The following SLC24A2 variants were observed in gnomAD, a reference collection of about 807,000 sequenced individuals.
SLC24A2 encodes the protein solute carrier family 24 member 2.
In SLC24A2, 36 loss-of-function variants were observed where a neutral mutation model predicts 62.0. That is an observed-to-expected ratio of 0.58 (90% confidence interval 0.44 to 0.77). The LOEUF (loss-of-function observed/expected upper bound fraction) is 0.77. Ranked by LOEUF, SLC24A2 falls within the 30% of genes least tolerant of loss-of-function variation. SLC24A2 has a pLI of 0.00. For synonymous variants in SLC24A2, 358 were observed against 294.0 expected (o/e 1.22, Z -2.23); for missense variants, 846 against 817.9 (o/e 1.03, Z -0.42).
Position 19,786,476 on chromosome 9 carries a change from T to C in SLC24A2, c.391A>G (p.Arg131Gly). Residue 131 changes from arginine to glycine, a missense_variant, in exon 2 of 11, where the codon AGA becomes GGA. Transcript: ENST00000341998. The surrounding 1 kb of genome is among the most constrained non-coding windows in gnomAD (Gnocchi z 5.0). ...PKDIFSLEERRKGAIILHVIG... is the reference protein window; with the variant it reads ...PKDIFSLEERGKGAIILHVIG... ...ACATGCAGAATGATCGCACCTTTTCTTCTCTCCTCAAGGGAAAAGATGTCT... is the reference window on the plus strand; with the variant it reads ...ACATGCAGAATGATCGCACCTTTTCCTCTCTCCTCAAGGGAAAAGATGTCT... 6.2e-7 allele frequency: 1 copy of C among 1,614,188 alleles called. No individual in the cohort carries two copies. Among genetic ancestry groups the C allele is most frequent in the Non-Finnish European group, 8.5e-7 (1 of 1,180,034 alleles).
At chr9:19,782,789 A>T (rs1823053780) in intron 2 of SLC24A2, among the ~76,000 whole-genome samples, 1 of 152,178 alleles carries the variant, frequency 6.6e-6, no homozygotes. Flanking sequence ...TAATTTTACC[A>T]ATCTTATGAA....
chr9:20,277,573 A>C, the SLC24A2 span, among the ~76,000 whole-genome samples: 2 of 152,120 alleles, frequency 1.3e-5, no homozygotes, highest in Non-Finnish European at 2.9e-5. Context: ...CAATCATTAA[A>C]AAGTCAGGAA....
At chr9:19,793,472 T>C (rs139963441), upstream of SLC24A2, among the ~76,000 whole-genome samples, 16 of 152,288 alleles carry the variant, frequency 1.1e-4, no homozygotes, top group East Asian at 3.1e-3. Flanking sequence ...TGCAGTTGCA[T>C]TGTGTGCTTC....
the SLC24A2 span, among the ~76,000 whole-genome samples, chr9:20,087,578 C>A: frequency 6.6e-6 from 1 of 152,168 alleles, no homozygotes; most frequent in Non-Finnish European, 1.5e-5. Flanking sequence ...CTGTCTTGTT[C>A]CACAGGAGGC....
intron 2 of SLC24A2, among the ~76,000 whole-genome samples, chr9:19,669,932 G>C (rs1819367278): frequency 6.6e-6 from 1 of 152,218 alleles, no homozygotes; most frequent in Admixed American, 6.5e-5. Flanking sequence ...GTCTACCACA[G>C]TGCCCCCACA....
chr9:19,950,686 C>A, the SLC24A2 span, among the ~76,000 whole-genome samples: 1 of 152,132 alleles, frequency 6.6e-6, no homozygotes, highest in Non-Finnish European at 1.5e-5. Flanking sequence ...AAAAATCACC[C>A]CCCTCATGAA....
At chr9:19,591,751 T>G (rs1016317117) in intron 5 of SLC24A2, among the ~76,000 whole-genome samples, 1 of 152,238 alleles carries the variant, frequency 6.6e-6, no homozygotes, top group African/African-American at 2.4e-5. Context: ...GTGGAGCTGC[T>G]AGAGCTGCCA....
the SLC24A2 span, among the ~76,000 whole-genome samples, chr9:20,159,548 G>A: frequency 1.1e-3 from 166 of 151,710 alleles, 2 homozygotes; most frequent in East Asian, 0.028. Context: ...GATAGGGGTA[G>A]GGAGGAAGAG....
At chr9:19,976,987 G>T in the SLC24A2 span, among the ~76,000 whole-genome samples, 1 of 152,160 alleles carries the variant, frequency 6.6e-6, no homozygotes, top group South Asian at 2.1e-4. Context: ...GATCAGCAAA[G>T]TCCAACTACA....
the SLC24A2 span, among the ~76,000 whole-genome samples, chr9:20,002,011 T>C: frequency 5.9e-5 from 9 of 152,194 alleles, no homozygotes; most frequent in Non-Finnish European, 1.3e-4. Context: ...ATTGATAGAA[T>C]TCTTTTGATT....
chr9:20,135,395 T>C, the SLC24A2 span, among the ~76,000 whole-genome samples: 1 of 151,638 alleles, frequency 6.6e-6, no homozygotes, highest in East Asian at 1.9e-4. Flanking sequence ...ATTTTCATTT[T>C]TAATTACCTC....
the SLC24A2 span, among the ~76,000 whole-genome samples, chr9:19,991,417 C>T: frequency 6.6e-6 from 1 of 152,126 alleles, no homozygotes; most frequent in African/African-American, 2.4e-5. Context: ...TGGTGCCTAC[C>T]CAGATTGAAG....
chr9:19,939,794 C>T, the SLC24A2 span, among the ~76,000 whole-genome samples: 46 of 152,312 alleles, frequency 3.0e-4, no homozygotes, highest in Non-Finnish European at 5.0e-4. Flanking sequence ...TCATGCAGCA[C>T]GTGACTATAA....
the SLC24A2 span, among the ~76,000 whole-genome samples, chr9:19,856,799 G>A: frequency 3.4e-4 from 52 of 152,264 alleles, no homozygotes; most frequent in East Asian, 2.5e-3. Context: ...TTAACAAAGC[G>A]CTCTGGCTGC....
the SLC24A2 span, among the ~76,000 whole-genome samples, chr9:19,870,760 T>A: frequency 0.015 from 2,211 of 152,284 alleles, 26 homozygotes; most frequent in Non-Finnish European, 0.024. Context: ...TGGATAATAA[T>A]GTTGAGCATA....
At chr9:19,960,230 C>T in the SLC24A2 span, among the ~76,000 whole-genome samples, 1 of 152,036 alleles carries the variant, frequency 6.6e-6, no homozygotes. Flanking sequence ...ATGTACATAA[C>T]TGAAATAAAA....
chr9:19,938,003 T>C, the SLC24A2 span, among the ~76,000 whole-genome samples: 1 of 152,178 alleles, frequency 6.6e-6, no homozygotes, highest in African/African-American at 2.4e-5. Context: ...ATAAAAACAG[T>C]ACAGAATAGA....
At chr9:19,533,422 T>G (rs764138129) in intron 8 of SLC24A2, among the ~76,000 whole-genome samples, 21 of 152,228 alleles carry the variant, frequency 1.4e-4, no homozygotes, top group Non-Finnish European at 2.9e-4. Flanking sequence ...TGAGGTCTAT[T>G]TTTCCACTCT....
the SLC24A2 span, among the ~76,000 whole-genome samples, chr9:19,911,268 T>C: frequency 6.6e-6 from 1 of 152,114 alleles, no homozygotes; most frequent in African/African-American, 2.4e-5. Flanking sequence ...TATGGCTGCA[T>C]AGTATTCCAT....
Sources: allele counts gnomAD v4.1 joint callset (sites outside exome capture counted in the v4.1 genomes callset), GRCh38; gene constraint gnomAD v4.1.1; non-coding constraint Gnocchi (gnomAD v3.1); transcripts MANE v1.5; gene names NCBI Gene and HGNC (gene_info 2026-07-23, HGNC 2026-07-21).